The following SREK1 variants were observed in gnomAD, a reference collection of about 807,000 sequenced individuals.
SREK1 encodes the protein splicing regulatory glutamine/lysine-rich protein 1.
SREK1 carries 13 observed loss-of-function variants against 66.5 expected under a neutral mutation model. The observed-to-expected ratio is 0.20, with a 90% CI of 0.13 to 0.31. The LOEUF is 0.31. SREK1 is among the 10% of genes least tolerant of loss of function. The pLI, the probability that SREK1 is intolerant of heterozygous loss-of-function variation, is 1.00. For missense variants in SREK1, 607 were observed against 769.6 expected (o/e 0.79, Z 2.50); for synonymous variants, 265 against 263.5 (o/e 1.01, Z -0.05).
intron 5 of SREK1, chr5:66,163,466 TG>T (rs1331617010): frequency 5.0e-6 from 1 of 199,428 alleles, no homozygotes; most frequent in Non-Finnish European, 1.0e-5. Context: ...AAAATAGAAA[TG>T]ATTCATTTTC....
chr5:66,175,157 C>A, intron 10 of SREK1, 116 bp downstream of exon 10: 1 of 780,578 alleles, frequency 1.3e-6, no homozygotes, highest in Non-Finnish European at 2.0e-6. Flanking sequence ...AATACATATG[C>A]ATTATTCAGA....
At position 66,178,873 on chromosome 5, in the gene SREK1, G is replaced by A. The variant is rs1317988269; in HGVS notation, c.*5G>A. On this transcript the variant is annotated 3_prime_UTR_variant, in exon 12 of 12. Coordinates refer to ENST00000334121, the MANE Select transcript of SREK1 (RefSeq NM_001077199.3). ...ACCAAAACAGAAGCAGTATAGGACCGACAAGTGTACCTCTGCACTCAATGC... is the reference window on the plus strand; with the variant it reads ...ACCAAAACAGAAGCAGTATAGGACCAACAAGTGTACCTCTGCACTCAATGC... 4 of 1,602,072 alleles carry A rather than the reference G, an allele frequency of 2.5e-6. No homozygotes were observed. Among genetic ancestry groups the A allele is most frequent in the Middle Eastern group, 1.7e-4 (1 of 6,002 alleles).
intron 2 of SREK1, chr5:66,156,266 G>C (rs560780237): frequency 1.0e-4 from 137 of 1,309,176 alleles, no homozygotes; most frequent in Non-Finnish European, 1.3e-4. Context: ...CCCTTTTTTT[G>C]TTTTTGTTTT....
At chr5:66,177,951 C>G (rs576630471) in intron 11 of SREK1, among the ~76,000 whole-genome samples, 10 of 152,154 alleles carry the variant, frequency 6.6e-5, no homozygotes, top group African/African-American at 2.4e-4. Context: ...GGATTTCTGC[C>G]TGATGCCATT....
rs748250824 is a variant in SREK1, at chr5:66,170,095, G to A, written c.1046G>A (p.Arg349His). 1.2e-5 allele frequency: 19 copies of A among 1,612,398 alleles called. No homozygotes were observed. The African/African-American group carries it at 1.3e-4, about 11-fold the overall frequency. ...NRSRSRQKDR[R>H]RSKSPHKKRS... ...TCACGTTCAAGACAGAAAGACAGAC[G>A]TAGATCTAAGAGCCCACATAAAAAA... The change falls in exon 8 of 12, where the codon CGT (arginine) becomes CAT (histidine). Residue 349 changes from arginine (R) to histidine (H), a missense_variant. Coordinates refer to ENST00000334121, the MANE Select transcript of SREK1 (RefSeq NM_001077199.3).
Position 66,175,032 on chromosome 5 carries a change from C to A in SREK1, c.1571C>A (p.Ser524Tyr), listed in dbSNP as rs1236583929. 2.5e-6 allele frequency: 4 copies of A among 1,610,954 alleles called. No homozygotes were observed. Among genetic ancestry groups the A allele is most frequent in the Non-Finnish European group, 3.4e-6 (4 of 1,178,196 alleles). ...TIKRKSSRSPSPRSRNKKDKK... is the reference protein window; with the variant it reads ...TIKRKSSRSPYPRSRNKKDKK... ...AAAAGGAAATCTTCTAGATCTCCGT[C>A]CCCCAGGAGGTAGGTTGGGAGCTTG... Residue 524 changes from serine to tyrosine, a missense_variant, in exon 10 of 12, where the codon TCC (serine) becomes TAC (tyrosine). Coordinates refer to ENST00000334121, the MANE Select transcript of SREK1 (RefSeq NM_001077199.3).
chr5:66,170,978 G>A (rs534833451), intron 9 of SREK1, 31 bp downstream of exon 9: 2 of 1,568,190 alleles, frequency 1.3e-6, no homozygotes, highest in African/African-American at 1.4e-5. Context: ...TTTACAAAGG[G>A]ATTTGCTGAT....
At chr5:66,170,027 A>G (rs1745496291) in intron 7 of SREK1, 24 bp from the exon 8 acceptor site, 1 of 1,487,740 alleles carries the variant, frequency 6.7e-7, no homozygotes, top group Non-Finnish European at 9.0e-7. Flanking sequence ...AAGTTTTGAT[A>G]TTCTAACAAT....
chr5:66,159,430 C>CA, intron 3 of SREK1, 96 bp downstream of exon 3: 1 of 625,998 alleles, frequency 1.6e-6, no homozygotes, highest in Non-Finnish European at 2.2e-6. Context: ...GGATCTTCTT[C>CA]TTTTTTTTTT....
At chr5:66,151,988 G>T (rs1302951957) in intron 1 of SREK1, among the ~76,000 whole-genome samples, 1 of 151,894 alleles carries the variant, frequency 6.6e-6, no homozygotes, top group East Asian at 1.9e-4. Flanking sequence ...TGGGACTACA[G>T]GCGCCCGCCA....
chr5:66,155,939 C>A (rs996548348), intron 2 of SREK1: 3 of 1,372,784 alleles, frequency 2.2e-6, no homozygotes, highest in South Asian at 1.3e-5. Flanking sequence ...AAGATACGGT[C>A]AAACATAACA....
In SREK1 at chr5:66,163,882, A is replaced by G. The variant is rs753309191; in HGVS notation, c.846A>G (p.Val282=). 4.3e-6 allele frequency: 7 copies of G among 1,613,666 alleles called. No homozygotes were observed. The South Asian group carries it at 6.6e-5, about 15-fold the overall frequency. Reference sequence around the variant, plus strand: ...AGTTAGAAGAAGTAATGAAGCGAGTACGAGAAGCTCAGTCATTTATCTCAG... The same window carrying G: ...AGTTAGAAGAAGTAATGAAGCGAGTGCGAGAAGCTCAGTCATTTATCTCAG... ...AKELEEVMKR[V]REAQSFISAA... The change falls in exon 6 of 12, where the codon GTA becomes GTG. Residue 282 remains valine (V), a synonymous_variant. Coordinates refer to ENST00000334121, the MANE Select transcript of SREK1 (RefSeq NM_001077199.3).
At chr5:66,149,670 A>G (rs768856138) in intron 1 of SREK1, among the ~76,000 whole-genome samples, 8 of 152,218 alleles carry the variant, frequency 5.3e-5, no homozygotes, top group Non-Finnish European at 1.0e-4. Flanking sequence ...AGTTTAGGAA[A>G]TGTTGCTTCA....
intron 2 of SREK1, chr5:66,155,975 T>C (rs974735068): frequency 1.3e-6 from 2 of 1,522,992 alleles, no homozygotes; most frequent in Non-Finnish European, 1.8e-6. Flanking sequence ...TCATCAGTCA[T>C]AACTTTATGT....
At chr5:66,156,151 C>A in intron 2 of SREK1, 1 of 1,407,734 alleles carries the variant, frequency 7.1e-7, no homozygotes, top group South Asian at 1.6e-5. Flanking sequence ...TCAAGTGAAA[C>A]CTTCATTGGG....
At chr5:66,169,910 G>T (rs893862217) in intron 7 of SREK1, 141 bp from the exon 8 acceptor site, 2 of 571,742 alleles carry the variant, frequency 3.5e-6, no homozygotes, top group Non-Finnish European at 2.8e-6. Flanking sequence ...TCCAGTAAAT[G>T]TATTTCAGAT....
intron 1 of SREK1, among the ~76,000 whole-genome samples, chr5:66,150,687 T>C (rs1194213129): frequency 6.6e-6 from 1 of 152,126 alleles, no homozygotes; most frequent in East Asian, 1.9e-4. Context: ...GCATTGGTAA[T>C]GAGAATGATG....
At chr5:66,172,873 C>T (rs1745758823) in intron 9 of SREK1, among the ~76,000 whole-genome samples, 1 of 147,116 alleles carries the variant, frequency 6.8e-6, no homozygotes, top group Admixed American at 6.8e-5. Flanking sequence ...CTTTGTCACC[C>T]AGGCTAGAAT....
At chr5:66,173,062 A>G (rs1178747127) in intron 9 of SREK1, among the ~76,000 whole-genome samples, 5 of 150,676 alleles carry the variant, frequency 3.3e-5, no homozygotes, top group African/African-American at 1.2e-4. Context: ...CAAACTCCTG[A>G]CCTCAGGTGA....
Sources: allele counts gnomAD v4.1 joint callset (sites outside exome capture counted in the v4.1 genomes callset), GRCh38; gene constraint gnomAD v4.1.1; transcripts MANE v1.5; gene names NCBI Gene and HGNC (gene_info 2026-07-23, HGNC 2026-07-21).